The following GATC variants were observed in gnomAD, a reference collection of about 807,000 sequenced individuals.
The protein encoded by GATC is glutamyl-tRNA(Gln) amidotransferase subunit C, mitochondrial.
A neutral mutation model predicts 14.4 loss-of-function variants in GATC; 11 were observed. The observed-to-expected ratio is 0.77, with a 90% CI of 0.48 to 1.27. The LOEUF is 1.27. Among genes scored for constraint, GATC ranks in the 50% most tolerant of loss-of-function variants. The pLI, the probability that GATC is intolerant of heterozygous loss-of-function variation, is 0.00. For missense variants in GATC, 204 were observed against 183.0 expected (o/e 1.11, Z -0.66); for synonymous variants, 76 against 79.3 (o/e 0.96, Z 0.22).
rs1463794794 is a variant in GATC, at chr12:120,462,514, T to C, written c.*2555T>C. ...ACTGGAAAGGATCTCAGGGGTCATA[T>C]AGTTTAATCCCCTGCCACCTCATGT... On this transcript the variant is annotated 3_prime_UTR_variant, in exon 4 of 4. Transcript: ENST00000551765. The C allele has an allele frequency of 5.4e-6, 1 of 183,826 alleles. No homozygotes were observed. 11.4% of individuals were successfully genotyped at this position (183,826 alleles called of 1,614,324 possible).
At chr12:120,458,220 C>G (rs909989476) in intron 3 of GATC, among the ~76,000 whole-genome samples, 1 of 151,528 alleles carries the variant, frequency 6.6e-6, no homozygotes, top group African/African-American at 2.4e-5. Context: ...TGCCGAGTAG[C>G]TGGGATTACA....
chr12:120,447,340 G>A (rs1230122274), intron 2 of GATC, among the ~76,000 whole-genome samples: 1 of 152,058 alleles, frequency 6.6e-6, no homozygotes, highest in Non-Finnish European at 1.5e-5. Context: ...CTCCCAAAGT[G>A]CTGGGATTAC....
At chr12:120,454,621 C>T (rs1464720376) in intron 2 of GATC, among the ~76,000 whole-genome samples, 1 of 150,796 alleles carries the variant, frequency 6.6e-6, no homozygotes, top group Admixed American at 6.6e-5. Context: ...TTCACCCTGT[C>T]AGCCAGGATG....
intron 3 of GATC, among the ~76,000 whole-genome samples, chr12:120,459,570 G>A (rs550084913): frequency 6.6e-6 from 1 of 152,132 alleles, no homozygotes; most frequent in African/African-American, 2.4e-5. Context: ...AACATTCTCT[G>A]TTGTGGCCGG....
In GATC at chr12:120,459,912, ATC is replaced by A. The variant is rs1878287852; in HGVS notation, c.368_369del (p.Ser123PhefsTer6). ...CTTTTGTTATTTTCAAACAGGTAAT[ATC>A]TCTTTGCCAAAGCTGGATGAACAAG... ...EEYFVAPPGNISLPKLDEQEP... is the reference protein window; with the variant it reads ...EEYFVAPPGNXSLPKLDEQEP... On this transcript the variant is annotated frameshift_variant, in exon 4 of 4. Transcript: ENST00000551765. LOFTEE classifies it high-confidence loss of function. The A allele has an allele frequency of 6.2e-7, 1 of 1,611,616 alleles. No individual in the cohort carries two copies.
At position 120,462,932 on chromosome 12, in the gene GATC, T is replaced by A. The variant is rs1485790655; in HGVS notation, c.*2973T>A. 6.6e-6 allele frequency: 1 copy of A among 152,208 alleles called. No individual in the cohort carries two copies. The highest frequency in any genetic ancestry group is 1.5e-5 in the Non-Finnish European group (1 of 68,028). The allele number at this position is 152,208 out of a possible 1,614,324, so 9.4% of individuals were successfully genotyped here. A position where few individuals can be genotyped will look rare whatever the true frequency, so the allele number is the denominator to read the frequency against. ...ACTGAGGATCAGGTGCTGTTCTGTT[T>A]CTGCTTCAAATTCAAGTCCTAGAGG... On this transcript the variant is annotated 3_prime_UTR_variant, in exon 4 of 4. Coordinates refer to ENST00000551765, the MANE Select transcript of GATC (RefSeq NM_176818.3).
At chr12:120,456,543 C>T (rs1878189237) in intron 2 of GATC, among the ~76,000 whole-genome samples, 1 of 152,212 alleles carries the variant, frequency 6.6e-6, no homozygotes, top group Non-Finnish European at 1.5e-5. Flanking sequence ...CTGCTAAACT[C>T]CCTGTCCTTC....
chr12:120,457,376 A>G (rs76967315), intron 3 of GATC, among the ~76,000 whole-genome samples, 197 bp downstream of exon 3: 269 of 152,100 alleles, frequency 1.8e-3, no homozygotes, highest in African/African-American at 5.8e-3. Flanking sequence ...GAACAAGCAA[A>G]ACAGGATTGG....
In GATC at chr12:120,459,919, T is replaced by G. The variant is rs780259866; in HGVS notation, c.371T>G (p.Leu124Trp). Residue 124 changes from leucine to tryptophan, a missense_variant, in exon 4 of 4, where the codon TTG (leucine) becomes TGG (tryptophan). Coordinates refer to ENST00000551765, the MANE Select transcript of GATC (RefSeq NM_176818.3). ...YFVAPPGNIS[L>W]PKLDEQEPFP... ...TATTTTCAAACAGGTAATATCTCTTTGCCAAAGCTGGATGAACAAGAGCCA... is the reference window on the plus strand; with the variant it reads ...TATTTTCAAACAGGTAATATCTCTTGGCCAAAGCTGGATGAACAAGAGCCA... 8 of 1,612,652 alleles carry G rather than the reference T, an allele frequency of 5.0e-6. No homozygotes were observed. The South Asian group carries it at 6.6e-5, about 13-fold the overall frequency.
At chr12:120,455,143 A>G in intron 2 of GATC, 1 of 237,954 alleles carries the variant, frequency 4.2e-6, no homozygotes, top group Non-Finnish European at 9.3e-6. Context: ...TTGGCCTCCC[A>G]AAGTGCTGGG....
chr12:120,449,805 C>G (rs966010886), intron 2 of GATC, among the ~76,000 whole-genome samples: 14 of 151,710 alleles, frequency 9.2e-5, no homozygotes, highest in Middle Eastern at 3.4e-3. Context: ...TCACGTTGCC[C>G]AGGCTGGAGT....
chr12:120,446,776 A>G lies in GATC; in HGVS notation c.201A>G (p.Leu67=). 2 of 1,613,946 alleles carry G rather than the reference A, an allele frequency of 1.2e-6. No homozygotes were observed. The highest frequency in any genetic ancestry group is 1.1e-5 in the South Asian group (1 of 91,072). ...LEKAIAFADR[L]RAVDTDGVEP... ...AAGCTATCGCCTTCGCCGACCGGCT[A>G]CGCGCCGTGGACACAGACGGGGTGG... is the stretch of plus-strand genomic sequence containing the variant. The change falls in exon 2 of 4, where the codon CTA becomes CTG. Residue 67 remains leucine, a synonymous_variant. Coordinates refer to ENST00000551765, the MANE Select transcript of GATC (RefSeq NM_176818.3).
chr12:120,449,241 A>G (rs1877971788), intron 2 of GATC, among the ~76,000 whole-genome samples: 1 of 151,976 alleles, frequency 6.6e-6, no homozygotes, highest in South Asian at 2.1e-4. Flanking sequence ...TACAGGCGTG[A>G]GCCACTGTGC....
intron 2 of GATC, among the ~76,000 whole-genome samples, chr12:120,455,880 G>A (rs1878171311): frequency 6.6e-6 from 1 of 151,978 alleles, no homozygotes; most frequent in Non-Finnish European, 1.5e-5. Context: ...TAGAGATGGG[G>A]TTTCACCGTG....
chr12:120,451,064 A>C (rs772943059), intron 2 of GATC, among the ~76,000 whole-genome samples: 4 of 149,444 alleles, frequency 2.7e-5, no homozygotes, highest in Admixed American at 6.7e-5. Flanking sequence ...GAATTGCTTG[A>C]AATCAGGAGG....
chr12:120,456,949 A>C, intron 2 of GATC, 127 bp from the exon 3 acceptor site: 1 of 666,840 alleles, frequency 1.5e-6, no homozygotes, highest in South Asian at 1.8e-5. Flanking sequence ...CAGCTTCTCT[A>C]TCTTTGAACA....
At chr12:120,456,643 A>G (rs1333792941) in intron 2 of GATC, among the ~76,000 whole-genome samples, 3 of 151,900 alleles carry the variant, frequency 2.0e-5, no homozygotes, top group Non-Finnish European at 2.9e-5. Context: ...TCATCCCCCA[A>G]TCCAGCTATT....
At chr12:120,456,152 C>T (rs943269109) in intron 2 of GATC, among the ~76,000 whole-genome samples, 8 of 152,122 alleles carry the variant, frequency 5.3e-5, no homozygotes, top group Non-Finnish European at 8.8e-5. Flanking sequence ...TAACAGACTG[C>T]TTATTTTTTT....
At chr12:120,453,073 G>C (rs1409360389) in intron 2 of GATC, among the ~76,000 whole-genome samples, 5 of 152,154 alleles carry the variant, frequency 3.3e-5, no homozygotes, top group African/African-American at 4.8e-5. Context: ...AAGGGAGAAG[G>C]CTTTTAGATG....
Sources: gnomAD v4.1 joint callset for allele counts (sites outside exome capture counted in the v4.1 genomes callset) on GRCh38, gnomAD v4.1.1 for gene constraint, MANE v1.5 for transcripts, NCBI Gene and HGNC (gene_info 2026-07-23, HGNC 2026-07-21) for gene names.